DLGAP2: variants seen among roughly 807,000 people sequenced by gnomAD.
DLGAP2 encodes the protein disks large-associated protein 2.
In DLGAP2, 26 loss-of-function variants were observed where a neutral mutation model predicts 100.3. The ratio of observed to expected loss-of-function variants is 0.26; its 90% CI spans 0.19 to 0.36. DLGAP2 has a LOEUF of 0.36. Ranked by LOEUF, DLGAP2 falls within the 10% of genes least tolerant of loss-of-function variation. DLGAP2 has a pLI of 1.00. For synonymous variants in DLGAP2, 886 were observed against 630.1 expected, an observed-to-expected ratio of 1.41 and a Z score of -6.08; for missense variants, 1,858 against 1,453.2, an observed-to-expected ratio of 1.28 and a Z score of -4.53.
chr8:1,510,797 G>A (rs534284858), intron 4 of DLGAP2, among the ~76,000 whole-genome samples: 1 of 152,268 alleles, frequency 6.6e-6, no homozygotes, highest in African/African-American at 2.4e-5. Context: ...AATATTATAT[G>A]TCCAAGTCCA....
intron 2 of DLGAP2, among the ~76,000 whole-genome samples, chr8:1,232,051 C>T (rs1405267735): frequency 6.6e-6 from 1 of 152,216 alleles, no homozygotes; most frequent in African/African-American, 2.4e-5. Context: ...AAGTACCACA[C>T]AAGTAGTGAA....
At chr8:894,786 C>T (rs933798037) in intron 1 of DLGAP2, among the ~76,000 whole-genome samples, 1 of 12,572 alleles carries the variant, frequency 8.0e-5, no homozygotes. Context: ...CTGGCAGGGG[C>T]GGGGTGGGGA....
intron 6 of DLGAP2, among the ~76,000 whole-genome samples, chr8:1,569,080 C>A (rs1485973118): frequency 6.7e-6 from 1 of 149,276 alleles, no homozygotes; most frequent in African/African-American, 2.5e-5. Flanking sequence ...GACACAAATC[C>A]GTCTCTGCCC....
At chr8:995,514 C>G (rs1191528544) in intron 2 of DLGAP2, among the ~76,000 whole-genome samples, 2 of 152,136 alleles carry the variant, frequency 1.3e-5, no homozygotes, top group Non-Finnish European at 2.9e-5. Flanking sequence ...TTTAGTATTT[C>G]CATTACATAT....
At chr8:1,477,370 C>T (rs1362719613) in intron 3 of DLGAP2, among the ~76,000 whole-genome samples, 1 of 152,198 alleles carries the variant, frequency 6.6e-6, no homozygotes. Context: ...CCCCACCCTC[C>T]GGCTCTGTCC....
Position 1,368,971 on chromosome 8 carries a change from C to G in DLGAP2, c.106+110088C>G, listed in dbSNP as rs1184885149. On this transcript the variant is annotated intron_variant, in intron 3 of 14. Coordinates refer to ENST00000637795, the MANE Select transcript of DLGAP2 (RefSeq NM_001346810.2). Reference sequence around the variant, plus strand: ...GCCAAACGCAGGTCCTCCGCACATACTAGGTGTCACCCTCAACTCTGTGCA... The same window carrying G: ...GCCAAACGCAGGTCCTCCGCACATAGTAGGTGTCACCCTCAACTCTGTGCA... The G allele has an allele frequency of 2.6e-5, 4 of 152,344 alleles. No homozygotes were observed. The East Asian group carries it at 5.8e-4, about 22-fold the overall frequency. The allele number at this position is 152,344 out of a possible 1,614,324, so 9.4% of individuals were successfully genotyped here. A position where few individuals can be genotyped will look rare whatever the true frequency, so the allele number is the denominator to read the frequency against.
chr8:1,539,712 G>A (rs1448401321), intron 4 of DLGAP2, among the ~76,000 whole-genome samples: 4 of 152,264 alleles, frequency 2.6e-5, no homozygotes, highest in East Asian at 1.9e-4. Context: ...TGCCGACAGC[G>A]AGACCTGCCC....
At chr8:941,912 T>C (rs1397442619) in intron 2 of DLGAP2, among the ~76,000 whole-genome samples, 1 of 152,126 alleles carries the variant, frequency 6.6e-6, no homozygotes, top group Non-Finnish European at 1.5e-5. Context: ...AGGGCTGACA[T>C]TACAGGTGCC....
At chr8:1,116,167 G>C (rs1181334336) in intron 2 of DLGAP2, among the ~76,000 whole-genome samples, 1 of 152,220 alleles carries the variant, frequency 6.6e-6, no homozygotes, top group African/African-American at 2.4e-5. Flanking sequence ...GGGTGCGCAG[G>C]CGTCAGCTGG....
intron 1 of DLGAP2, among the ~76,000 whole-genome samples, chr8:862,543 C>G (rs1275317502): frequency 6.6e-6 from 1 of 152,108 alleles, no homozygotes; most frequent in East Asian, 1.9e-4. Flanking sequence ...ACCTCGTGAT[C>G]TGGCCTCCCA....
At chr8:1,530,171 T>C (rs1031717262) in intron 4 of DLGAP2, among the ~76,000 whole-genome samples, 13 of 152,158 alleles carry the variant, frequency 8.5e-5, no homozygotes, top group African/African-American at 2.9e-4. Flanking sequence ...GGGAGCACTA[T>C]GGGAGACTGG....
intron 3 of DLGAP2, chr8:1,369,392 C>G (rs556008690): frequency 6.6e-6 from 1 of 152,424 alleles, no homozygotes; most frequent in Admixed American, 6.5e-5. Context: ...GTGATCACCC[C>G]TTCCTGTAAG....
rs184632910 is a variant in DLGAP2, at chr8:856,024, G to A, written c.19-51888G>A. Among the ~76,000 whole-genome samples, 482 of 152,146 alleles carry A rather than the reference G, an allele frequency of 3.2e-3. 11 individuals carry two copies. Among genetic ancestry groups the A allele is most frequent in the Non-Finnish European group, 3.7e-4 (25 of 67,994 alleles). ...GTAGCCTCTCACCCCTCCTTTTCAA[G>A]ATCATACTGGAAGTCCCAGCTAATG... is the stretch of plus-strand genomic sequence containing the variant. On this transcript the variant is annotated intron_variant, in intron 1 of 14. Coordinates refer to ENST00000637795, the MANE Select transcript of DLGAP2 (RefSeq NM_001346810.2).
chr8:1,086,788 A>G (rs1481367125), intron 2 of DLGAP2, among the ~76,000 whole-genome samples: 2 of 152,220 alleles, frequency 1.3e-5, no homozygotes, highest in Non-Finnish European at 2.9e-5. Flanking sequence ...AAAGGTAGAG[A>G]TAGGCTATGA....
rs938343477 is a variant in DLGAP2 at position 1,678,275 on chromosome 8, G to A, written c.2350G>A (p.Glu784Lys). Residue 784 changes from glutamate (E) to lysine (K), a missense_variant, in exon 12 of 15, where the codon GAG (glutamate) becomes AAG (lysine). By Grantham distance (56) the Glu-to-Lys change is moderately conservative. Transcript: ENST00000637795. ...CGCCGTCCAAGCTGACCTGGAGCTGGAGGGGTTCCCAGGCCACATCACCAC... is the reference window on the plus strand; with the variant it reads ...CGCCGTCCAAGCTGACCTGGAGCTGAAGGGGTTCCCAGGCCACATCACCAC... ...TAAVQADLEL[E>K]GFPGHITTED... 1 of 1,613,766 alleles carries A rather than the reference G, an allele frequency of 6.2e-7. No homozygotes were observed. Among genetic ancestry groups the A allele is most frequent in the African/African-American group, 1.3e-5 (1 of 74,914 alleles).
At chr8:1,676,885 T>A (rs1798823677) in intron 11 of DLGAP2, among the ~76,000 whole-genome samples, 1 of 152,054 alleles carries the variant, frequency 6.6e-6, no homozygotes, top group Admixed American at 6.6e-5. Flanking sequence ...AAAGTCAGAG[T>A]CCTTGATCCA....
At chr8:1,698,938 A>AG (rs1563070489) in intron 14 of DLGAP2, among the ~76,000 whole-genome samples, 9 of 140,836 alleles carry the variant, frequency 6.4e-5, no homozygotes, top group Non-Finnish European at 9.3e-5. Flanking sequence ...GCAGGTCTGC[A>AG]TAAGCCATGC....
chr8:1,066,413 C>G (rs1018245797), intron 2 of DLGAP2, among the ~76,000 whole-genome samples: 3 of 149,928 alleles, frequency 2.0e-5, no homozygotes, highest in African/African-American at 7.4e-5. Context: ...CAGTTCCCCA[C>G]CACGGTCAGG....
intron 3 of DLGAP2, among the ~76,000 whole-genome samples, chr8:1,409,172 A>G (rs988599234): frequency 6.8e-6 from 1 of 146,692 alleles, no homozygotes; most frequent in African/African-American, 2.5e-5. Flanking sequence ...CTTCCTCACC[A>G]TAGCAGGCGC....
Sources: gnomAD v4.1 joint callset for allele counts (sites outside exome capture counted in the v4.1 genomes callset) on GRCh38, gnomAD v4.1.1 for gene constraint, MANE v1.5 for transcripts, NCBI Gene and HGNC (gene_info 2026-07-23, HGNC 2026-07-21) for gene names.